Variants in NXN observed in about 807,000 individuals in gnomAD.
NXN encodes the protein nucleoredoxin, also known as nucleoredoxin 1.
NXN carries 16 observed loss-of-function variants against 48.6 expected under a neutral mutation model. The observed-to-expected ratio is 0.33, with a 90% CI of 0.22 to 0.50. The LOEUF is 0.50. NXN is among the 20% of genes least tolerant of loss of function. The pLI is 0.98. For synonymous variants in NXN, 281 were observed against 269.6 expected (o/e 1.04, Z -0.41); for missense variants, 492 against 605.5 (o/e 0.81, Z 1.97).
At chr17:969,684 G>A (rs934195241) in intron 1 of NXN, among the ~76,000 whole-genome samples, 4 of 152,088 alleles carry the variant, frequency 2.6e-5, no homozygotes, top group Non-Finnish European at 5.9e-5. Flanking sequence ...ACCTGATCAC[G>A]TTTAACGGGA....
chr17:965,607 AAC>A (rs751432955), intron 1 of NXN, among the ~76,000 whole-genome samples: 1 of 152,144 alleles, frequency 6.6e-6, no homozygotes, highest in Non-Finnish European at 1.5e-5. Context: ...GCAACTGACT[AAC>A]AGACTCCTCC....
chr17:951,873 C>T (rs927092199), intron 1 of NXN, among the ~76,000 whole-genome samples: 22 of 152,132 alleles, frequency 1.4e-4, no homozygotes, highest in Non-Finnish European at 2.6e-4. Flanking sequence ...ACTCAGTAGA[C>T]GGAGGGCACC....
intron 6 of NXN, 169 bp from the exon 7 acceptor site, chr17:803,975 G>A: frequency 1.3e-6 from 1 of 793,772 alleles, no homozygotes; most frequent in East Asian, 2.7e-5. Context: ...ATGCATGGGT[G>A]TGTGTGCACA....
rs1244275994 is a variant in NXN at position 917,279 on chromosome 17, C to G, written c.360+62040G>C. Among the ~76,000 whole-genome samples, 1 of 152,148 alleles carries G rather than the reference C, an allele frequency of 6.6e-6. No individual in the cohort carries two copies. Among genetic ancestry groups the G allele is most frequent in the Non-Finnish European group, 1.5e-5 (1 of 68,018 alleles). ...GCCTCAGCCTCCCGAGCAGCTGGGA[C>G]TACAGGCGCCCGCCACCATGCCCAG... On this transcript the variant is annotated intron_variant, in intron 1 of 7. Coordinates refer to ENST00000336868, the MANE Select transcript of NXN (RefSeq NM_022463.5). This position sits in a 1 kb window ranked among gnomAD's most constrained non-coding sequence, Gnocchi z 4.5.
chr17:825,473 G>C lies in NXN; in HGVS notation c.478+488C>G, dbSNP rs1367522598. On this transcript the variant is annotated intron_variant, in intron 2 of 7. Transcript: ENST00000336868. This position sits in a 1 kb window ranked among gnomAD's most constrained non-coding sequence, Gnocchi z 4.1. ...GAGGAGCACAGCCCACGCGTAGCCA[G>C]CAAGACCAAGGCCCGCAGGGAGTGA... 1 of 161,356 alleles carries C rather than the reference G, an allele frequency of 6.2e-6. No homozygotes were observed. Among genetic ancestry groups the C allele is most frequent in the Non-Finnish European group, 1.4e-5 (1 of 72,892 alleles). 10.0% of individuals were successfully genotyped at this position (161,356 alleles called of 1,614,324 possible). A position where few individuals can be genotyped will look rare whatever the true frequency, so the allele number is the denominator to read the frequency against.
chr17:852,061 A>G (rs1293255099), intron 1 of NXN, among the ~76,000 whole-genome samples: 2 of 152,236 alleles, frequency 1.3e-5, no homozygotes, highest in Non-Finnish European at 2.9e-5. Flanking sequence ...CTAATCCCTC[A>G]GGTCCTGTGC....
At chr17:810,096 A>G (rs1402088282) in intron 5 of NXN, among the ~76,000 whole-genome samples, 1 of 103,956 alleles carries the variant, frequency 9.6e-6, no homozygotes, top group African/African-American at 3.7e-5. Context: ...AGTCCGTGTG[A>G]GTGGCGTGCA....
At chr17:847,711 A>C (rs1262890238) in intron 1 of NXN, among the ~76,000 whole-genome samples, 4 of 152,288 alleles carry the variant, frequency 2.6e-5, no homozygotes, top group Admixed American at 1.3e-4. Context: ...CCTGAAATGA[A>C]AGGGTTCCGT....
chr17:813,037 G>C (rs993630446), intron 5 of NXN, among the ~76,000 whole-genome samples: 2 of 144,936 alleles, frequency 1.4e-5, no homozygotes, highest in African/African-American at 5.7e-5. Context: ...GTGTGTGAAT[G>C]TGTGAGCGTG....
At chr17:839,496 T>C (rs967792684) in intron 1 of NXN, among the ~76,000 whole-genome samples, 2 of 150,648 alleles carry the variant, frequency 1.3e-5, no homozygotes, top group Non-Finnish European at 3.0e-5. Context: ...CTAGAAATAA[T>C]GAGGAGGAGG....
intron 1 of NXN, among the ~76,000 whole-genome samples, chr17:888,135 C>A (rs2144857127): frequency 6.6e-6 from 1 of 152,242 alleles, no homozygotes; most frequent in Admixed American, 6.5e-5. Flanking sequence ...GGACAGAAAG[C>A]AGGGTTTAAG....
At chr17:814,939 T>A (rs1048641986) in intron 5 of NXN, among the ~76,000 whole-genome samples, 4 of 152,192 alleles carry the variant, frequency 2.6e-5, no homozygotes, top group Admixed American at 6.5e-5. Flanking sequence ...CTAATTTTTG[T>A]ATTTTTAGTA....
chr17:813,154 T>C (rs373051970), intron 5 of NXN, among the ~76,000 whole-genome samples: 7 of 152,376 alleles, frequency 4.6e-5, no homozygotes, highest in East Asian at 1.9e-4. Flanking sequence ...CAATCAAAAA[T>C]ACTGGTCAGA....
intron 1 of NXN, among the ~76,000 whole-genome samples, chr17:935,510 A>G (rs1440551326): frequency 6.6e-6 from 1 of 152,166 alleles, no homozygotes; most frequent in Non-Finnish European, 1.5e-5. Context: ...GGAAAAGACC[A>G]AGACACTTCA....
intron 1 of NXN, among the ~76,000 whole-genome samples, chr17:914,842 G>C (rs770222324): frequency 6.6e-6 from 1 of 152,182 alleles, no homozygotes; most frequent in Non-Finnish European, 1.5e-5. Context: ...TGAGTGCGTG[G>C]AACCAACAGC....
intron 1 of NXN, among the ~76,000 whole-genome samples, chr17:918,288 A>C (rs1266862144): frequency 6.6e-6 from 1 of 152,066 alleles, no homozygotes; most frequent in Admixed American, 6.6e-5. Context: ...GATTAAGATT[A>C]TTTTCCTTTG....
At chr17:826,984 C>T (rs1430469096) in intron 1 of NXN, among the ~76,000 whole-genome samples, 2 of 152,240 alleles carry the variant, frequency 1.3e-5, no homozygotes, top group African/African-American at 4.8e-5. Context: ...CGTTCACTGC[C>T]GTCGGGGTGA....
chr17:965,479 T>C (rs1310365816), intron 1 of NXN, among the ~76,000 whole-genome samples: 2 of 152,170 alleles, frequency 1.3e-5, no homozygotes, highest in Non-Finnish European at 2.9e-5. Flanking sequence ...ATCTAAGTGA[T>C]AGCAAGCTGT....
rs140535261 is a variant in NXN at position 852,136 on chromosome 17, G to A, written c.361-26058C>T. ...TGGCCCTGGCTTATCCCTGCATGCC[G>A]GCCAAGGCCCCGCAGCCTCTAGAAG... On this transcript the variant is annotated intron_variant, in intron 1 of 7. Coordinates refer to ENST00000336868, the MANE Select transcript of NXN (RefSeq NM_022463.5). Among the ~76,000 whole-genome samples the A allele has an allele frequency of 6.6e-3, 1,009 of 152,328 alleles. 14 individuals carry two copies. The highest frequency in any genetic ancestry group is 0.023 in the African/African-American group (959 of 41,568).
Sources: gnomAD v4.1 joint callset for allele counts (sites outside exome capture counted in the v4.1 genomes callset) on GRCh38, gnomAD v4.1.1 for gene constraint, Gnocchi (gnomAD v3.1) non-coding constraint, MANE v1.5 for transcripts, NCBI Gene and HGNC (gene_info 2026-07-23, HGNC 2026-07-21) for gene names.